TENM4: variants seen among roughly 807,000 people sequenced by gnomAD.
The protein encoded by TENM4 is teneurin transmembrane protein 4, also known as teneurin-4.
TENM4 carries 82 observed loss-of-function variants against 243.3 expected under a neutral mutation model. That is an observed-to-expected ratio of 0.34 (90% CI 0.28 to 0.40). The LOEUF (loss-of-function observed/expected upper bound fraction) is 0.40, where lower values mean the gene tolerates loss of function less well. TENM4 is among the 10% of genes least tolerant of loss of function. TENM4 has a pLI of 1.00. For synonymous variants in TENM4, 1,412 were observed against 1,456.3 expected (o/e 0.97, Z 0.69); for missense variants, 3,138 against 3,673.3 (o/e 0.85, Z 3.77).
At chr11:79,083,563 C>T (rs1860731787) in intron 4 of TENM4, among the ~76,000 whole-genome samples, 1 of 152,322 alleles carries the variant, frequency 6.6e-6, no homozygotes, top group South Asian at 2.1e-4. Context: ...CTTGTTTGAG[C>T]TCCCGTGACA....
intron 18 of TENM4, among the ~76,000 whole-genome samples, chr11:78,760,097 C>T (rs368872230): frequency 1.1e-4 from 16 of 152,274 alleles, no homozygotes; most frequent in Admixed American, 1.3e-4. Context: ...GCAACCCAAA[C>T]GATGACCTCC....
At chr11:78,869,042 G>A (rs1351937131) in intron 9 of TENM4, among the ~76,000 whole-genome samples, 1 of 152,016 alleles carries the variant, frequency 6.6e-6, no homozygotes, top group East Asian at 1.9e-4. Flanking sequence ...TCATTCCCTA[G>A]GTTATCTTCC....
At chr11:79,155,107 C>T (rs926821286) in intron 3 of TENM4, among the ~76,000 whole-genome samples, 3 of 152,112 alleles carry the variant, frequency 2.0e-5, no homozygotes, top group Admixed American at 6.6e-5. Flanking sequence ...CACCATTATC[C>T]AAGTGAGTAG....
intron 15 of TENM4, among the ~76,000 whole-genome samples, chr11:78,804,554 T>A (rs1365159865): frequency 6.6e-6 from 1 of 152,224 alleles, no homozygotes; most frequent in East Asian, 1.9e-4. Context: ...ATCTTCACTT[T>A]GAAAGGACCT....
chr11:78,883,524 A>T (rs1565422196), intron 9 of TENM4, among the ~76,000 whole-genome samples: 1 of 152,222 alleles, frequency 6.6e-6, no homozygotes. Context: ...GCAATCAGCA[A>T]CCAGTGTCCT....
chr11:79,323,884 C>T (rs1392715215), intron 1 of TENM4, among the ~76,000 whole-genome samples: 1 of 140,324 alleles, frequency 7.1e-6, no homozygotes. Context: ...CATCCCTATA[C>T]ACACACACAC....
At position 79,032,284 on chromosome 11, in the gene TENM4, G is replaced by A. The variant is rs187816061; in HGVS notation, c.493+32454C>T. Among the ~76,000 whole-genome samples, 34 of 152,236 alleles carry A rather than the reference G, an allele frequency of 2.2e-4. No homozygotes were observed. In the East Asian group the frequency reaches 3.9e-3, roughly 17 times the overall value. On this transcript the variant is annotated intron_variant, in intron 6 of 33. Transcript: ENST00000278550. ...ACCCTGAGGCGGGGGGCACCAGGCC[G>A]GGGACTTCCCTTTAGCCTTCTGGAA...
chr11:79,384,995 C>A (rs1858083547), intron 1 of TENM4, among the ~76,000 whole-genome samples: 1 of 83,850 alleles, frequency 1.2e-5, no homozygotes, highest in African/African-American at 4.5e-5. Context: ...TCAGGAGCCA[C>A]CCTTTCATGA....
intron 1 of TENM4, among the ~76,000 whole-genome samples, chr11:79,354,018 A>T (rs1324013661): frequency 6.6e-6 from 1 of 152,166 alleles, no homozygotes; most frequent in African/African-American, 2.4e-5. Context: ...CAAAACCTAG[A>T]CTCACCGCTT....
In TENM4 at chr11:78,669,515, A is replaced by C; in HGVS notation, c.6830T>G (p.Leu2277Arg). The C allele has an allele frequency of 6.2e-7, 1 of 1,613,900 alleles. No homozygotes were observed. Among genetic ancestry groups the C allele is most frequent in the Non-Finnish European group, 8.5e-7 (1 of 1,179,868 alleles). Residue 2277 changes from leucine (L) to arginine (R), a missense_variant, in exon 32 of 34, where the codon CTC (leucine) becomes CGC (arginine). Leu to Arg is a moderately radical substitution (Grantham distance 102). This residue lies in a region of TENM4 where 2,467 missense variants were observed against 3,059.1 expected (regional missense o/e 0.81). Transcript: ENST00000278550. The surrounding 1 kb of genome is among the most constrained non-coding windows in gnomAD (Gnocchi z 6.4). Reference sequence around the variant, plus strand: ...GCCAGCCCGGTTGTAGGCCTTGATGAGCAGGCCAGCTGAGTTGTACTCAAA... The same window carrying C: ...GCCAGCCCGGTTGTAGGCCTTGATGCGCAGGCCAGCTGAGTTGTACTCAAA... ...DIFEYNSAGL[L>R]IKAYNRAGSW...
intron 2 of TENM4, among the ~76,000 whole-genome samples, chr11:79,232,450 G>T (rs1459807830): frequency 6.6e-6 from 1 of 152,230 alleles, no homozygotes; most frequent in Non-Finnish European, 1.5e-5. Context: ...TCTGCATTCA[G>T]CAGTGACTGC....
At chr11:79,350,733 C>A (rs149462240) in intron 1 of TENM4, among the ~76,000 whole-genome samples, 1 of 152,206 alleles carries the variant, frequency 6.6e-6, no homozygotes, top group Non-Finnish European at 1.5e-5. Context: ...AGTCACCACT[C>A]CTGGCCCTGT....
intron 6 of TENM4, among the ~76,000 whole-genome samples, chr11:78,910,669 C>T (rs1856164904): frequency 6.6e-6 from 1 of 152,196 alleles, no homozygotes; most frequent in Admixed American, 6.5e-5. Flanking sequence ...AGAAAACAAT[C>T]AGTATTATTG....
chr11:79,326,876 G>A (rs977946301), intron 1 of TENM4, among the ~76,000 whole-genome samples: 1 of 152,186 alleles, frequency 6.6e-6, no homozygotes, highest in Non-Finnish European at 1.5e-5. Flanking sequence ...GAGCATTTTG[G>A]TAAATATCTA....
Position 79,173,112 on chromosome 11 carries a change from G to T in TENM4, c.-162-24306C>A, listed in dbSNP as rs573337815. Among the ~76,000 whole-genome samples the T allele has an allele frequency of 2.0e-5, 3 of 152,156 alleles. No individual in the cohort carries two copies. The East Asian group carries it at 5.8e-4, about 29-fold the overall frequency. ...CTAAACTTATTTTGGCCCTAACTTT[G>T]TTCAATAAGTATTTGTTAAATAAAT... On this transcript the variant is annotated intron_variant, in intron 3 of 33. Transcript: ENST00000278550.
Position 78,891,262 on chromosome 11 carries a change from C to A in TENM4, c.824G>T (p.Arg275Leu). 6.4e-7 allele frequency: 1 copy of A among 1,551,682 alleles called. No homozygotes were observed. The highest frequency in any genetic ancestry group is 8.7e-7 in the Non-Finnish European group (1 of 1,146,998). Reference protein sequence around the residue: ...LIEMDILGASRHDGAYSDGHF... With the variant: ...LIEMDILGASLHDGAYSDGHF... Reference sequence around the variant, plus strand: ...CCCGTCACTGTAAGCCCCATCATGGCGGGAGGCGCCGAGAATGTCCATCTC... The same window carrying A: ...CCCGTCACTGTAAGCCCCATCATGGAGGGAGGCGCCGAGAATGTCCATCTC... The change falls in exon 8 of 34, where the codon CGC becomes CTC. Residue 275 changes from arginine to leucine, a missense_variant. Physicochemically the swap from Arg to Leu is moderately radical, Grantham distance 102. Transcript: ENST00000278550.
Position 78,670,474 on chromosome 11 carries a change from C to A in TENM4, c.5871G>T (p.Thr1957=). The A allele has an allele frequency of 6.2e-7, 1 of 1,613,890 alleles. No homozygotes were observed. The highest frequency in any genetic ancestry group is 8.5e-7 in the Non-Finnish European group (1 of 1,179,884). The part of the protein sequence containing the change: ...FDKNDRLSSV[T]MPNVARQTLE... ...GTGTCTGCCGCGCCACGTTGGGCATCGTCACAGAAGAGAGGCGGTCATTCT... is the reference window on the plus strand; with the variant it reads ...GTGTCTGCCGCGCCACGTTGGGCATAGTCACAGAAGAGAGGCGGTCATTCT... The change falls in exon 32 of 34, where the codon ACG becomes ACT. Residue 1957 remains threonine (T), a synonymous_variant. Coordinates refer to ENST00000278550, the MANE Select transcript of TENM4 (RefSeq NM_001098816.3).
chr11:79,238,363 C>T (rs919715289), intron 2 of TENM4, among the ~76,000 whole-genome samples: 5 of 152,158 alleles, frequency 3.3e-5, no homozygotes, highest in African/African-American at 1.2e-4. Context: ...CCCCCCTCAA[C>T]AATGTGTGTG....
At chr11:79,222,246 C>T (rs1313232090) in intron 2 of TENM4, among the ~76,000 whole-genome samples, 3 of 152,200 alleles carry the variant, frequency 2.0e-5, no homozygotes, top group Admixed American at 6.5e-5. Context: ...TAAGTGAGAG[C>T]ATGCAGCGTT....
Sources: gnomAD v4.1 joint callset for allele counts (sites outside exome capture counted in the v4.1 genomes callset) on GRCh38, gnomAD v4.1.1 for gene constraint, gnomAD v4.1.1 regional missense constraint, Gnocchi (gnomAD v3.1) non-coding constraint, MANE v1.5 for transcripts, NCBI Gene and HGNC (gene_info 2026-07-23, HGNC 2026-07-21) for gene names.